Variants in PUM1 observed in about 807,000 individuals in gnomAD.
The protein encoded by PUM1 is pumilio homolog 1.
Under a neutral mutation model 131.8 loss-of-function variants are expected in PUM1, and 13 were observed. That is an observed-to-expected ratio of 0.10 (90% CI 0.06 to 0.16). The LOEUF (loss-of-function observed/expected upper bound fraction) is 0.16. Ranked by LOEUF, PUM1 falls within the 10% of genes least tolerant of loss-of-function variation. The probability of loss-of-function intolerance (pLI) is 1.00; values close to 1 mark genes in which losing one functional copy is unlikely to be tolerated. For missense variants in PUM1, 961 were observed against 1,512.4 expected, an observed-to-expected ratio of 0.64 and a Z score of 6.05; for synonymous variants, 509 against 556.5, an observed-to-expected ratio of 0.91 and a Z score of 1.20.
chr1:31,005,329 C>T (rs1642361495), intron 5 of PUM1, among the ~76,000 whole-genome samples: 1 of 151,894 alleles, frequency 6.6e-6, no homozygotes, highest in African/African-American at 2.4e-5. Flanking sequence ...TCTTGACAGG[C>T]CAGGTGTGAG....
At chr1:31,033,516 C>A (rs1428191231) in intron 2 of PUM1, among the ~76,000 whole-genome samples, 3 of 151,796 alleles carry the variant, frequency 2.0e-5, no homozygotes, top group African/African-American at 7.3e-5. Context: ...CCTCAGCCTC[C>A]CGAGTATCCA....
chr1:30,940,213 C>T (rs1376989292), intron 20 of PUM1, among the ~76,000 whole-genome samples: 3 of 152,178 alleles, frequency 2.0e-5, no homozygotes, highest in South Asian at 2.1e-4. Flanking sequence ...ACTGGTGGCT[C>T]GTGCTGGTAA....
chr1:31,061,384 G>A (rs1017234708), intron 1 of PUM1, among the ~76,000 whole-genome samples: 14 of 152,086 alleles, frequency 9.2e-5, no homozygotes, highest in Admixed American at 6.6e-4. Context: ...TTGGGAGGCC[G>A]AGGCGGGTGG....
In PUM1 at chr1:30,933,217, G is replaced by A. The variant is rs1201164459; in HGVS notation, c.3561C>T (p.Ile1187=). ...LGPICGPPNG[I]I is the part of the protein sequence containing the mutation. The stretch of plus-strand genomic sequence containing the variant: ...AACAGCGGGTGACACTGCCTCAGAT[G>A]ATACCATTAGGGGGGCCACAGATGG... The change falls in exon 22 of 22, where the codon ATC becomes ATT. Residue 1187 remains isoleucine, a synonymous_variant. Transcript: ENST00000426105. 5.6e-6 allele frequency: 9 copies of A among 1,611,686 alleles called. No homozygotes were observed. The highest frequency in any genetic ancestry group is 6.8e-6 in the Non-Finnish European group (8 of 1,178,950).
intron 5 of PUM1, among the ~76,000 whole-genome samples, chr1:31,002,540 C>G (rs1402970052): frequency 6.6e-6 from 1 of 152,044 alleles, no homozygotes; most frequent in African/African-American, 2.4e-5. Flanking sequence ...AGAGCAGGGT[C>G]CTTAGATGGC....
intron 7 of PUM1, among the ~76,000 whole-genome samples, chr1:30,991,462 A>G (rs1378289209): frequency 6.6e-6 from 1 of 152,254 alleles, no homozygotes. Context: ...ATTTATGACA[A>G]TAACTAAAGG....
chr1:30,943,506 C>T (rs951309419), intron 18 of PUM1, among the ~76,000 whole-genome samples: 2 of 152,136 alleles, frequency 1.3e-5, no homozygotes, highest in South Asian at 2.1e-4. Context: ...CCCGTCTCAG[C>T]CTCCCAAAGT....
chr1:30,966,153 T>C lies in PUM1; in HGVS notation c.1915A>G (p.Asn639Asp), dbSNP rs1367000646. The change falls in exon 13 of 22, where the codon AAC becomes GAC. Residue 639 changes from asparagine (N) to aspartate (D), a missense_variant. Transcript: ENST00000426105. The stretch of plus-strand genomic sequence containing the variant: ...CCGTAGAAAGAACTGGATGCCAGGT[T>C]GTTATTGGGCTGCTGCTGGGGCTGG... The part of the protein sequence containing the change: ...QPQPQQQPNN[N>D]LASSSFYGNN... 2 of 1,614,002 alleles carry C rather than the reference T, an allele frequency of 1.2e-6. No individual in the cohort carries two copies. Among genetic ancestry groups the C allele is most frequent in the Non-Finnish European group, 1.7e-6 (2 of 1,180,028 alleles).
At chr1:30,951,946 G>A (rs1639952824) in intron 16 of PUM1, among the ~76,000 whole-genome samples, 1 of 152,188 alleles carries the variant, frequency 6.6e-6, no homozygotes, top group South Asian at 2.1e-4. Flanking sequence ...CACGTTTTGT[G>A]AAACTATTAT....
chr1:30,958,798 A>G (rs180856621), intron 14 of PUM1, among the ~76,000 whole-genome samples: 2 of 152,360 alleles, frequency 1.3e-5, no homozygotes, highest in African/African-American at 4.8e-5. Flanking sequence ...AAGAAAATTC[A>G]TATTTATTAA....
chr1:30,980,291 C>T, intron 8 of PUM1, 128 bp from the exon 9 acceptor site: 2 of 746,830 alleles, frequency 2.7e-6, no homozygotes, highest in Non-Finnish European at 4.7e-6. Flanking sequence ...GAAGACGGGA[C>T]AGGTTGAGGG....
chr1:31,031,148 G>A (rs1643415149), intron 2 of PUM1, among the ~76,000 whole-genome samples: 1 of 115,130 alleles, frequency 8.7e-6, no homozygotes, highest in South Asian at 3.2e-4. Flanking sequence ...TGTTAGCTAG[G>A]AACTCTACAC....
chr1:30,952,672 A>AGGGGGG (rs1489893024), intron 15 of PUM1, among the ~76,000 whole-genome samples: 2 of 10,542 alleles, frequency 1.9e-4, no homozygotes, highest in Admixed American at 2.9e-3. Flanking sequence ...GGAAGATGAA[A>AGGGGGG]GCGGGGGGGG....
At chr1:30,989,757 CCTG>C (rs1557572979) in intron 7 of PUM1, among the ~76,000 whole-genome samples, 1 of 151,890 alleles carries the variant, frequency 6.6e-6, no homozygotes, top group East Asian at 1.9e-4. Flanking sequence ...CAATGACTAA[CCTG>C]AGAGCAAATC....
At chr1:30,982,383 A>G (rs1275036481) in intron 7 of PUM1, among the ~76,000 whole-genome samples, 1 of 152,218 alleles carries the variant, frequency 6.6e-6, no homozygotes, top group East Asian at 1.9e-4. Flanking sequence ...TAGTATGAAT[A>G]GTATTGGTAT....
intron 10 of PUM1, among the ~76,000 whole-genome samples, chr1:30,973,322 G>A (rs1264797532): frequency 1.3e-5 from 2 of 151,352 alleles, no homozygotes; most frequent in African/African-American, 2.4e-5. Flanking sequence ...TTCTTGTTTG[G>A]ATCATTTAAT....
At chr1:31,033,049 CA>C (rs1643486288) in intron 2 of PUM1, among the ~76,000 whole-genome samples, 1 of 138,408 alleles carries the variant, frequency 7.2e-6, no homozygotes, top group South Asian at 2.3e-4. Flanking sequence ...AAAAAAAATA[CA>C]AAAAAAGAAA....
intron 2 of PUM1, among the ~76,000 whole-genome samples, chr1:31,055,685 G>A (rs56011520): frequency 0.016 from 2,459 of 152,292 alleles, 74 homozygotes; most frequent in African/African-American, 0.055. Context: ...TAACTGACCT[G>A]GATAAAACTG....
intron 5 of PUM1, among the ~76,000 whole-genome samples, chr1:31,005,034 T>C (rs1044886613): frequency 4.6e-5 from 7 of 152,216 alleles, no homozygotes; most frequent in African/African-American, 1.7e-4. Context: ...GTGCCTCTCA[T>C]GGCCTTCCTG....
Sources: allele counts gnomAD v4.1 joint callset (sites outside exome capture counted in the v4.1 genomes callset), GRCh38; gene constraint gnomAD v4.1.1; transcripts MANE v1.5; gene names NCBI Gene and HGNC (gene_info 2026-07-23, HGNC 2026-07-21).